SDHAF3: variants seen among roughly 807,000 people sequenced by gnomAD.
SDHAF3 encodes the protein succinate dehydrogenase complex assembly factor 3.
SDHAF3 carries 18 observed loss-of-function variants against 11.5 expected under a neutral mutation model. The observed-to-expected ratio is 1.56, with a 90% CI of 1.08 to 2.32. The LOEUF (loss-of-function observed/expected upper bound fraction) is 2.32, where lower values mean the gene tolerates loss of function less well. Among genes scored for constraint, SDHAF3 ranks in the 30% most tolerant of loss-of-function variants. SDHAF3 has a pLI of 0.00. For synonymous variants in SDHAF3, 72 were observed against 59.3 expected, an observed-to-expected ratio of 1.21 and a Z score of -0.99; for missense variants, 200 against 154.4, an observed-to-expected ratio of 1.30 and a Z score of -1.57.
At chr7:97,126,673 G>A (rs1188138113) in intron 1 of SDHAF3, among the ~76,000 whole-genome samples, 2 of 152,054 alleles carry the variant, frequency 1.3e-5, no homozygotes, top group African/African-American at 2.4e-5. Flanking sequence ...ATCCCTGGTC[G>A]ACTTCAGACT....
chr7:97,130,617 G>A (rs1038806637), intron 1 of SDHAF3, among the ~76,000 whole-genome samples: 14 of 152,332 alleles, frequency 9.2e-5, no homozygotes, highest in Admixed American at 6.5e-4. Flanking sequence ...TTCCTGTCAC[G>A]TGTGGCCGCA....
At chr7:97,173,067 A>G (rs955057974) in intron 1 of SDHAF3, among the ~76,000 whole-genome samples, 3 of 152,184 alleles carry the variant, frequency 2.0e-5, no homozygotes, top group Non-Finnish European at 4.4e-5. Flanking sequence ...GCAGTTCACA[A>G]TAGGGTTCAT....
At chr7:97,146,301 AAGC>A (rs1458747680) in intron 1 of SDHAF3, among the ~76,000 whole-genome samples, 6 of 152,196 alleles carry the variant, frequency 3.9e-5, no homozygotes, top group African/African-American at 1.2e-4. Flanking sequence ...GGAGTAAAAG[AAGC>A]ACTAAAATCA....
chr7:97,126,798 A>C (rs1791583238), intron 1 of SDHAF3, among the ~76,000 whole-genome samples: 3 of 148,524 alleles, frequency 2.0e-5, no homozygotes, highest in Admixed American at 1.4e-4. Context: ...TTTCCAGGCA[A>C]GTGAACGGTT....
rs540351019 is a variant in SDHAF3, at chr7:97,180,322, C to T, written c.175-690C>T. 2.6e-5 allele frequency among the ~76,000 whole-genome samples: 4 copies of T among 152,222 alleles called. No individual in the cohort carries two copies. The East Asian group carries it at 7.7e-4, about 29-fold the overall frequency. On this transcript the variant is annotated intron_variant, in intron 1 of 1. Transcript: ENST00000432641. ...TGCCATAAATAGGATGAAAGCATGT[C>T]CTTTGCAGCAACATAGATGCCATGA... is the stretch of plus-strand genomic sequence containing the variant.
At chr7:97,158,083 A>G (rs557362237) in intron 1 of SDHAF3, among the ~76,000 whole-genome samples, 14 of 152,010 alleles carry the variant, frequency 9.2e-5, no homozygotes, top group African/African-American at 3.1e-4. Context: ...ACATGTATAC[A>G]TATGTAACTA....
Position 97,179,724 on chromosome 7 carries a change from C to A in SDHAF3, c.175-1288C>A, listed in dbSNP as rs117307428. Among the ~76,000 whole-genome samples the A allele has an allele frequency of 3.5e-3, 526 of 152,072 alleles. 23 individuals are homozygous for A. In the East Asian group the frequency reaches 0.087, roughly 25 times the overall value. On this transcript the variant is annotated intron_variant, in intron 1 of 1. Transcript: ENST00000432641. ...CTGACCCCTCCCCACCCCTACCCCC[C>A]CTACACACACAAAATAGTGCCAAGG...
chr7:97,139,496 G>A (rs1215702492), intron 1 of SDHAF3, among the ~76,000 whole-genome samples: 4 of 152,238 alleles, frequency 2.6e-5, no homozygotes, highest in Admixed American at 2.6e-4. Flanking sequence ...TGTAAAATAG[G>A]TGAAGGGTGA....
At chr7:97,144,284 G>T (rs1338438854) in intron 1 of SDHAF3, among the ~76,000 whole-genome samples, 1 of 152,156 alleles carries the variant, frequency 6.6e-6, no homozygotes, top group African/African-American at 2.4e-5. Context: ...ACTCTTGTGT[G>T]TTGTCTGTTT....
intron 1 of SDHAF3, among the ~76,000 whole-genome samples, chr7:97,171,368 CATTTT>C (rs1183546761): frequency 5.3e-5 from 8 of 152,026 alleles, no homozygotes; most frequent in African/African-American, 1.2e-4. Context: ...AAATTACTGT[CATTTT>C]AGCTATCCAG....
chr7:97,124,703 G>A (rs1021528989), intron 1 of SDHAF3, among the ~76,000 whole-genome samples: 10 of 152,050 alleles, frequency 6.6e-5, no homozygotes, highest in Admixed American at 6.6e-4. Context: ...CCTTGAAGAG[G>A]TCCTTTGTGT....
chr7:97,142,179 G>A (rs1584217772), intron 1 of SDHAF3, among the ~76,000 whole-genome samples: 1 of 146,526 alleles, frequency 6.8e-6, no homozygotes, highest in Non-Finnish European at 1.5e-5. Context: ...TCAGCCTCCC[G>A]AGTAGCTGGG....
At chr7:97,127,427 G>A (rs547753250) in intron 1 of SDHAF3, among the ~76,000 whole-genome samples, 4 of 152,162 alleles carry the variant, frequency 2.6e-5, no homozygotes, top group East Asian at 3.9e-4. Flanking sequence ...GCATTTGTTC[G>A]AGAGGAGGAA....
chr7:97,128,297 C>T (rs1791607717), intron 1 of SDHAF3, among the ~76,000 whole-genome samples: 1 of 152,134 alleles, frequency 6.6e-6, no homozygotes, highest in Admixed American at 6.5e-5. Context: ...GTCTGAAACA[C>T]TTGCATTATT....
At chr7:97,163,992 G>A (rs1789457736) in intron 1 of SDHAF3, among the ~76,000 whole-genome samples, 1 of 151,228 alleles carries the variant, frequency 6.6e-6, no homozygotes. Flanking sequence ...TCTGTTGCCA[G>A]GCTGGAATGC....
chr7:97,119,336 G>A (rs951341150), intron 1 of SDHAF3, among the ~76,000 whole-genome samples: 3 of 152,070 alleles, frequency 2.0e-5, no homozygotes, highest in Non-Finnish European at 4.4e-5. Flanking sequence ...GGAAAAAGTA[G>A]GAAAGAGTAG....
At chr7:97,143,224 C>T (rs2115672526) in intron 1 of SDHAF3, among the ~76,000 whole-genome samples, 1 of 152,168 alleles carries the variant, frequency 6.6e-6, no homozygotes, top group South Asian at 2.1e-4. Flanking sequence ...AGAATATTTA[C>T]TTTGTTTAAA....
chr7:97,154,122 A>C (rs1789268495), intron 1 of SDHAF3, among the ~76,000 whole-genome samples: 1 of 151,976 alleles, frequency 6.6e-6, no homozygotes, highest in African/African-American at 2.4e-5. Context: ...GGTGGATCTC[A>C]TAAAGTACAT....
chr7:97,161,151 T>C (rs1158542199), intron 1 of SDHAF3, among the ~76,000 whole-genome samples: 1 of 152,204 alleles, frequency 6.6e-6, no homozygotes, highest in African/African-American at 2.4e-5. Flanking sequence ...CTCTACAGTG[T>C]ACTGTGTTGC....
Sources: gnomAD v4.1 joint callset for allele counts (sites outside exome capture counted in the v4.1 genomes callset) on GRCh38, gnomAD v4.1.1 for gene constraint, MANE v1.5 for transcripts, NCBI Gene and HGNC (gene_info 2026-07-23, HGNC 2026-07-21) for gene names.